Variants in SMYD3 observed in about 807,000 individuals in gnomAD.
SMYD3 encodes histone-lysine N-methyltransferase SMYD3.
SMYD3 carries 36 observed loss-of-function variants against 57.7 expected under a neutral mutation model. The ratio of observed to expected loss-of-function variants is 0.62; its 90% CI spans 0.48 to 0.82. The LOEUF (loss-of-function observed/expected upper bound fraction) is 0.82, where lower values mean the gene tolerates loss of function less well. Ranked by LOEUF, SMYD3 falls within the 40% of genes least tolerant of loss-of-function variation. The probability of loss-of-function intolerance (pLI) is 0.00; values close to 1 mark genes in which losing one functional copy is unlikely to be tolerated. For synonymous variants in SMYD3, 211 were observed against 195.0 expected (o/e 1.08, Z -0.68); for missense variants, 515 against 538.8 (o/e 0.96, Z 0.44).
intron 5 of SMYD3, among the ~76,000 whole-genome samples, chr1:246,068,717 CAAT>C (rs2060392011): frequency 6.6e-6 from 1 of 152,030 alleles, no homozygotes; most frequent in African/African-American, 2.4e-5. Context: ...ATAAAAACCA[CAAT>C]AAAAAATACT....
At chr1:246,195,128 A>C (rs1473385817) in intron 5 of SMYD3, among the ~76,000 whole-genome samples, 1 of 152,184 alleles carries the variant, frequency 6.6e-6, no homozygotes, top group Non-Finnish European at 1.5e-5. Context: ...TAATACTTGT[A>C]GTTGCCTGGA....
At chr1:246,343,672 T>A (rs2065665065) in intron 2 of SMYD3, among the ~76,000 whole-genome samples, 1 of 152,234 alleles carries the variant, frequency 6.6e-6, no homozygotes, top group Non-Finnish European at 1.5e-5. Flanking sequence ...TACTTTTGGC[T>A]TGATTGAGTA....
Position 245,816,407 on chromosome 1 carries a change from T to C in SMYD3, c.1076+42089A>G, listed in dbSNP as rs77025768. Among the ~76,000 whole-genome samples the C allele has an allele frequency of 9.9e-5, 15 of 150,956 alleles. No individual in the cohort carries two copies. In the East Asian group the frequency reaches 2.2e-3, roughly 22 times the overall value. The stretch of plus-strand genomic sequence containing the variant: ...CTCTAAAACAGGATTCTCAGACACA[T>C]TTCAGAATAGGACGACTGGAACAAT... On this transcript the variant is annotated intron_variant, in intron 10 of 11. Coordinates refer to ENST00000490107, the MANE Select transcript of SMYD3 (RefSeq NM_001167740.2).
intron 5 of SMYD3, among the ~76,000 whole-genome samples, chr1:246,091,107 G>A (rs150154461): frequency 2.6e-5 from 4 of 152,262 alleles, no homozygotes; most frequent in East Asian, 1.9e-4. Context: ...CGGTTAGCAC[G>A]GCTGCTGTTC....
At chr1:245,882,181 T>G (rs1418780474) in intron 8 of SMYD3, among the ~76,000 whole-genome samples, 1 of 152,162 alleles carries the variant, frequency 6.6e-6, no homozygotes, top group Non-Finnish European at 1.5e-5. Context: ...CTCACAGGAT[T>G]ATACATGTTG....
intron 5 of SMYD3, among the ~76,000 whole-genome samples, chr1:246,090,982 G>A (rs113745775): frequency 0.014 from 2,088 of 152,264 alleles, 48 homozygotes; most frequent in African/African-American, 0.048. Flanking sequence ...AGCAGTCACC[G>A]AAATGGTGAG....
chr1:246,235,248 T>C (rs973144518), intron 5 of SMYD3, among the ~76,000 whole-genome samples: 3 of 152,200 alleles, frequency 2.0e-5, no homozygotes, highest in Non-Finnish European at 4.4e-5. Context: ...AAATCCTACA[T>C]TAGTTTCTCA....
chr1:246,392,175 G>T (rs147881674), intron 1 of SMYD3, among the ~76,000 whole-genome samples: 1 of 152,204 alleles, frequency 6.6e-6, no homozygotes, highest in Non-Finnish European at 1.5e-5. Flanking sequence ...TTCGGTAAAT[G>T]CTTGCTAAAT....
chr1:246,395,998 G>A (rs1438583085), intron 1 of SMYD3, among the ~76,000 whole-genome samples: 1 of 152,108 alleles, frequency 6.6e-6, no homozygotes. Context: ...AAGATTACAA[G>A]GTTAGCTAAA....
chr1:245,798,403 CACATACACACACATACACACCCCCA>C (rs1558351477), intron 10 of SMYD3, among the ~76,000 whole-genome samples: 4 of 12,680 alleles, frequency 3.2e-4, no homozygotes, highest in Non-Finnish European at 4.0e-4. Context: ...CACACACACA[CACATACACACACATACACACCCCCA>C]CACACATACA....
chr1:246,177,593 A>G (rs964099258), intron 5 of SMYD3, among the ~76,000 whole-genome samples: 8 of 152,212 alleles, frequency 5.3e-5, no homozygotes, highest in Admixed American at 2.6e-4. Context: ...AAAGGTAGGT[A>G]TATTAAATGA....
At chr1:245,920,087 T>G (rs28397718) in intron 7 of SMYD3, among the ~76,000 whole-genome samples, 11,091 of 151,772 alleles carry the variant, frequency 0.073, 677 homozygotes, top group African/African-American at 0.15. Context: ...GCCAAGGCGG[T>G]AGGATCACGA....
rs527675773 is a variant in SMYD3, at chr1:245,879,822, G to A, written c.814-15936C>T. On this transcript the variant is annotated intron_variant, in intron 8 of 11. Coordinates refer to ENST00000490107, the MANE Select transcript of SMYD3 (RefSeq NM_001167740.2). ...AAAATAAAAATAAAACTCTGTAATG[G>A]AAGTCTTCAAGCAAATAAGTCAATG... Among the ~76,000 whole-genome samples the A allele has an allele frequency of 2.0e-5, 3 of 152,348 alleles. No individual in the cohort carries two copies. In the South Asian group the frequency reaches 6.2e-4, roughly 32 times the overall value.
At chr1:246,491,997 G>A (rs1277388430) in intron 1 of SMYD3, among the ~76,000 whole-genome samples, 1 of 152,166 alleles carries the variant, frequency 6.6e-6, no homozygotes, top group Non-Finnish European at 1.5e-5. Context: ...TTCTAGGATG[G>A]TGGCAGTAGG....
At chr1:246,280,646 T>C (rs993936594) in intron 5 of SMYD3, among the ~76,000 whole-genome samples, 2 of 152,212 alleles carry the variant, frequency 1.3e-5, no homozygotes, top group Admixed American at 1.3e-4. Context: ...AATCTCCTAC[T>C]GTAGCTTGAA....
chr1:246,341,306 G>A (rs2065630505), intron 2 of SMYD3, among the ~76,000 whole-genome samples: 2 of 152,146 alleles, frequency 1.3e-5, no homozygotes, highest in Non-Finnish European at 2.9e-5. Flanking sequence ...TGATTTAAAT[G>A]TGTTAATTTT....
chr1:245,853,328 A>G (rs2051071164), intron 10 of SMYD3, among the ~76,000 whole-genome samples: 1 of 152,214 alleles, frequency 6.6e-6, no homozygotes, highest in Non-Finnish European at 1.5e-5. Flanking sequence ...CAATGACACA[A>G]GCGTCCTCAG....
At chr1:246,288,840 C>T (rs1305048990) in intron 5 of SMYD3, among the ~76,000 whole-genome samples, 6 of 152,132 alleles carry the variant, frequency 3.9e-5, no homozygotes, top group Non-Finnish European at 7.4e-5. Flanking sequence ...TGGCCAGGCA[C>T]GGTGACTCAC....
At chr1:245,922,910 A>G (rs1274917860) in intron 7 of SMYD3, among the ~76,000 whole-genome samples, 1 of 152,258 alleles carries the variant, frequency 6.6e-6, no homozygotes, top group Non-Finnish European at 1.5e-5. Context: ...AAGATGGTAC[A>G]GACTACTTAG....
Sources: gnomAD v4.1 joint callset for allele counts (sites outside exome capture counted in the v4.1 genomes callset) on GRCh38, gnomAD v4.1.1 for gene constraint, MANE v1.5 for transcripts, NCBI Gene and HGNC (gene_info 2026-07-23, HGNC 2026-07-21) for gene names.